Variants in RSPH14 observed in about 807,000 individuals in gnomAD.
The protein encoded by RSPH14 is rhabdoid tumor deletion region gene 1.
RSPH14 carries 20 observed loss-of-function variants against 26.7 expected under a neutral mutation model. The observed-to-expected ratio is 0.75, with a 90% CI of 0.53 to 1.09. The LOEUF (loss-of-function observed/expected upper bound fraction) is 1.09. Ranked by LOEUF, RSPH14 falls within the 50% of genes least tolerant of loss-of-function variation. RSPH14 has a pLI of 0.00. For missense variants in RSPH14, 449 were observed against 457.2 expected (o/e 0.98, Z 0.16); for synonymous variants, 177 against 189.3 (o/e 0.93, Z 0.53).
rs145642567 is a variant in RSPH14 at position 23,063,935 on chromosome 22, C to T, written c.620G>A (p.Arg207His). 4.5e-5 allele frequency: 72 copies of T among 1,614,034 alleles called. No individual in the cohort carries two copies. Among genetic ancestry groups the T allele is most frequent in the Admixed American group, 8.3e-5 (5 of 60,010 alleles). ...AAGGAGCGCACGGGCGGCCTTGCTGCGGATGTTCTGGTTGGCGCTGAGGAG... is the reference window on the plus strand; with the variant it reads ...AAGGAGCGCACGGGCGGCCTTGCTGTGGATGTTCTGGTTGGCGCTGAGGAG... ...QKLLSANQNIRSKAARALLNV... is the reference protein window; with the variant it reads ...QKLLSANQNIHSKAARALLNV... Residue 207 changes from arginine to histidine, a missense_variant, in exon 5 of 7, where the codon CGC becomes CAC. Transcript: ENST00000216036.
intron 4 of RSPH14, among the ~76,000 whole-genome samples, chr22:23,079,063 C>T (rs1434367991): frequency 6.6e-6 from 1 of 152,210 alleles, no homozygotes; most frequent in Non-Finnish European, 1.5e-5. Flanking sequence ...TTGGCACCTG[C>T]TTGGTGCTAG....
chr22:23,128,202 C>T (rs1409928659), intron 4 of RSPH14, among the ~76,000 whole-genome samples: 1 of 152,218 alleles, frequency 6.6e-6, no homozygotes, highest in Non-Finnish European at 1.5e-5. Context: ...GAAGAATTGT[C>T]AATTTCAGCC....
intron 4 of RSPH14, among the ~76,000 whole-genome samples, chr22:23,087,600 A>C (rs2068854123): frequency 6.6e-6 from 1 of 152,216 alleles, no homozygotes; most frequent in African/African-American, 2.4e-5. Flanking sequence ...TGTTATTATT[A>C]CTCAAATCAG....
At chr22:23,105,439 C>T (rs2069438763) in intron 4 of RSPH14, among the ~76,000 whole-genome samples, 1 of 152,256 alleles carries the variant, frequency 6.6e-6, no homozygotes, top group Non-Finnish European at 1.5e-5. Context: ...CATGTCCCTC[C>T]CAGGAAAGAG....
At chr22:23,097,182 A>G (rs1361046574) in intron 4 of RSPH14, among the ~76,000 whole-genome samples, 1 of 151,694 alleles carries the variant, frequency 6.6e-6, no homozygotes, top group East Asian at 1.9e-4. Flanking sequence ...GGGATGGGGG[A>G]GTGGGGGCAA....
intron 4 of RSPH14, among the ~76,000 whole-genome samples, chr22:23,086,248 G>A (rs920964182): frequency 2.6e-5 from 4 of 152,202 alleles, no homozygotes; most frequent in Admixed American, 6.5e-5. Flanking sequence ...GGGCCCAGTT[G>A]GAGGGCTTGG....
intron 4 of RSPH14, among the ~76,000 whole-genome samples, chr22:23,118,477 G>GC (rs2069914969): frequency 7.3e-6 from 1 of 137,412 alleles, no homozygotes; most frequent in African/African-American, 2.7e-5. Flanking sequence ...TCCCCGCCCC[G>GC]CCCCACCCCC....
chr22:23,076,940 T>A (rs902721913), intron 4 of RSPH14, among the ~76,000 whole-genome samples: 5 of 152,208 alleles, frequency 3.3e-5, no homozygotes, highest in Admixed American at 6.5e-5. Context: ...CTCTGGGCCT[T>A]CCTTGCCTTT....
At chr22:23,060,824 C>T (rs887569981) in intron 6 of RSPH14, among the ~76,000 whole-genome samples, 9 of 152,194 alleles carry the variant, frequency 5.9e-5, no homozygotes, top group South Asian at 2.1e-4. Context: ...TCAGGACCCT[C>T]AGCTGGAGTG....
At chr22:23,108,999 T>C (rs777657687) in intron 4 of RSPH14, among the ~76,000 whole-genome samples, 56 of 152,326 alleles carry the variant, frequency 3.7e-4, no homozygotes, top group Admixed American at 2.3e-3. Context: ...ACATGGAGGC[T>C]TCCAGGGGAG....
rs1191594012 is a variant in RSPH14, at chr22:23,061,896, T to G, written c.703A>C (p.Ile235Leu). 1.2e-6 allele frequency: 2 copies of G among 1,614,062 alleles called. No individual in the cohort carries two copies. Among genetic ancestry groups the G allele is most frequent in the Non-Finnish European group, 1.7e-6 (2 of 1,180,004 alleles). ...GGGTCTTTCAGCAGATGGACCAGGA[T>G]GGGGATGACGTCAAAATGACACACC... ...KQVCHFDVIP[I>L]LVHLLKDPVE... The change falls in exon 6 of 7, where the codon ATC (isoleucine) becomes CTC (leucine). Residue 235 changes from isoleucine to leucine, a missense_variant. Transcript: ENST00000216036.
chr22:23,124,696 C>T, intron 4 of RSPH14: 1 of 195,436 alleles, frequency 5.1e-6, no homozygotes, highest in Non-Finnish European at 1.1e-5. Context: ...TGGAAATGCT[C>T]TGACTCCTGT....
the RSPH14 span, chr22:23,164,407 A>T: frequency 6.6e-6 from 1 of 152,176 alleles, no homozygotes; most frequent in Non-Finnish European, 1.5e-5. Flanking sequence ...GGCCTCTCGA[A>T]CTTTGATATT....
intron 4 of RSPH14, chr22:23,123,279 C>T (rs1267826319): frequency 1.2e-6 from 2 of 1,613,954 alleles, no homozygotes; most frequent in Non-Finnish European, 1.7e-6. Flanking sequence ...CTACATCCAG[C>T]GGCAGTTTGA....
At position 23,059,692 on chromosome 22, in the gene RSPH14, C is replaced by A; in HGVS notation, c.817G>T (p.Ala273Ser). 1 of 1,555,916 alleles carries A rather than the reference C, an allele frequency of 6.4e-7. No individual in the cohort carries two copies. Among genetic ancestry groups the A allele is most frequent in the South Asian group, 1.2e-5 (1 of 83,332 alleles). The change falls in exon 7 of 7, where the codon GCC (alanine) becomes TCC (serine). Residue 273 changes from alanine (A) to serine (S), a missense_variant. By Grantham distance (99) the Ala-to-Ser change is moderately conservative. Coordinates refer to ENST00000216036, the MANE Select transcript of RSPH14 (RefSeq NM_014433.3). ...EGKYAALEAQ[A>S]IGLLLELLHS... is the part of the protein sequence containing the mutation. ...AGCAGCTCCAGGAGCAGGCCGATGG[C>A]TTGTGCCTCCAGGGCCGCATACTTC...
At chr22:23,074,827 G>C (rs1446221481) in intron 4 of RSPH14, among the ~76,000 whole-genome samples, 4 of 152,154 alleles carry the variant, frequency 2.6e-5, no homozygotes, top group African/African-American at 7.2e-5. Context: ...CCCAGGGACT[G>C]AGCAATGCAG....
At chr22:23,168,266 T>C in the RSPH14 span, among the ~76,000 whole-genome samples, 2 of 152,134 alleles carry the variant, frequency 1.3e-5, no homozygotes, top group Non-Finnish European at 2.9e-5. Flanking sequence ...GGCAGCTCCC[T>C]CCAGCTCTTG....
At chr22:23,145,989 CT>C, upstream of RSPH14, 1 of 985,436 alleles carries the variant, frequency 1.0e-6, no homozygotes, top group Non-Finnish European at 1.2e-6. Context: ...CCCCACTCTA[CT>C]TCCACTGCCT....
the RSPH14 span, among the ~76,000 whole-genome samples, chr22:23,168,224 C>G: frequency 6.6e-6 from 1 of 152,178 alleles, no homozygotes; most frequent in South Asian, 2.1e-4. Context: ...GGGCATAAGC[C>G]CTGGGTCCAC....
Sources: allele counts gnomAD v4.1 joint callset (sites outside exome capture counted in the v4.1 genomes callset), GRCh38; gene constraint gnomAD v4.1.1; transcripts MANE v1.5; gene names NCBI Gene and HGNC (gene_info 2026-07-23, HGNC 2026-07-21).